Variants in WWOX observed in about 807,000 individuals in gnomAD.
WWOX encodes WW domain-containing oxidoreductase.
Under a neutral mutation model 46.2 loss-of-function variants are expected in WWOX, and 69 were observed. The ratio of observed to expected loss-of-function variants is 1.49; its 90% CI spans 1.23 to 1.82. The LOEUF is 1.82. WWOX is among the 40% of genes most tolerant of loss of function. The pLI is 0.00. For synonymous variants in WWOX, 359 were observed against 202.6 expected (o/e 1.77, Z -6.56); for missense variants, 919 against 542.6 (o/e 1.69, Z -6.89).
chr16:78,327,109 A>G (rs576855131), intron 5 of WWOX, among the ~76,000 whole-genome samples: 66 of 152,282 alleles, frequency 4.3e-4, no homozygotes, highest in African/African-American at 1.4e-3. Flanking sequence ...GTGACTTTCA[A>G]GTCCCTAAGT....
At chr16:79,048,385 CA>C (rs924443048) in intron 8 of WWOX, among the ~76,000 whole-genome samples, 6 of 152,030 alleles carry the variant, frequency 3.9e-5, no homozygotes, top group African/African-American at 1.5e-4. Context: ...AAATTACCCC[CA>C]TTTTCTGCTT....
At chr16:78,583,183 T>C (rs1313279506) in intron 8 of WWOX, among the ~76,000 whole-genome samples, 2 of 152,310 alleles carry the variant, frequency 1.3e-5, no homozygotes, top group African/African-American at 2.4e-5. Flanking sequence ...TCTTTAAAGA[T>C]GTGTGTTCCT....
At chr16:78,872,983 G>C (rs2044159770) in intron 8 of WWOX, 2 of 152,240 alleles carry the variant, frequency 1.3e-5, no homozygotes, top group African/African-American at 4.8e-5. Flanking sequence ...TTTCTGTAAA[G>C]ATGAGGTCTT....
At chr16:78,662,558 G>C (rs1407252228) in intron 8 of WWOX, among the ~76,000 whole-genome samples, 1 of 152,100 alleles carries the variant, frequency 6.6e-6, no homozygotes, top group African/African-American at 2.4e-5. Flanking sequence ...GGATGAGGAA[G>C]GCAATGTGAG....
chr16:78,636,687 TACTGAGGTGTGTGA>T (rs913067611), intron 8 of WWOX, among the ~76,000 whole-genome samples: 1 of 152,194 alleles, frequency 6.6e-6, no homozygotes, highest in African/African-American at 2.4e-5. Context: ...AGTGCTCACT[TACTGAGGTGTGTGA>T]ACAAAAACAG....
chr16:78,298,850 A>G (rs1216131517), intron 5 of WWOX, among the ~76,000 whole-genome samples: 1 of 151,872 alleles, frequency 6.6e-6, no homozygotes, highest in Non-Finnish European at 1.5e-5. Flanking sequence ...AAGACCATGC[A>G]TTTACATTGT....
chr16:78,900,594 A>C (rs1231842029), intron 8 of WWOX, among the ~76,000 whole-genome samples: 1 of 152,082 alleles, frequency 6.6e-6, no homozygotes, highest in Non-Finnish European at 1.5e-5. Context: ...CAGTACACAA[A>C]CCACAAAGTC....
At chr16:78,772,032 T>G (rs1368383899) in intron 8 of WWOX, among the ~76,000 whole-genome samples, 1 of 152,204 alleles carries the variant, frequency 6.6e-6, no homozygotes, top group Non-Finnish European at 1.5e-5. Flanking sequence ...TAATTGGACC[T>G]GTAATTCTTT....
intron 8 of WWOX, among the ~76,000 whole-genome samples, chr16:78,759,918 A>C (rs1597563808): frequency 6.6e-6 from 1 of 152,116 alleles, no homozygotes; most frequent in Non-Finnish European, 1.5e-5. Flanking sequence ...ACAGCACTCT[A>C]ATCTCTGCTT....
intron 8 of WWOX, among the ~76,000 whole-genome samples, chr16:78,974,009 A>G (rs1049191083): frequency 6.6e-6 from 1 of 152,172 alleles, no homozygotes; most frequent in African/African-American, 2.4e-5. Context: ...CCTAGCACAA[A>G]ACTCATGCAA....
intron 2 of WWOX, among the ~76,000 whole-genome samples, chr16:78,108,953 G>A (rs549223621): frequency 1.3e-5 from 2 of 152,224 alleles, no homozygotes; most frequent in South Asian, 2.1e-4. Context: ...ACACCACTGC[G>A]CTCCAGCCTC....
chr16:78,169,500 A>C (rs540441240), intron 5 of WWOX, among the ~76,000 whole-genome samples: 7 of 149,142 alleles, frequency 4.7e-5, no homozygotes, highest in African/African-American at 1.7e-4. Flanking sequence ...GCATGTAAAG[A>C]ACAAGAGCTT....
chr16:78,710,783 T>C (rs542632957), intron 8 of WWOX, among the ~76,000 whole-genome samples: 32 of 151,186 alleles, frequency 2.1e-4, no homozygotes, highest in Non-Finnish European at 3.4e-4. Context: ...CCCAGCTAAT[T>C]GTTTAATTTT....
chr16:78,822,310 A>G (rs575479769), intron 8 of WWOX, among the ~76,000 whole-genome samples: 5 of 152,238 alleles, frequency 3.3e-5, no homozygotes, highest in Non-Finnish European at 7.4e-5. Flanking sequence ...CCTGGCTGAC[A>G]TGACGAAACG....
At chr16:78,493,823 C>T (rs1016678421) in intron 8 of WWOX, among the ~76,000 whole-genome samples, 2 of 152,136 alleles carry the variant, frequency 1.3e-5, no homozygotes, top group South Asian at 2.1e-4. Flanking sequence ...CTGTAGAGTC[C>T]GTGTTCTTAC....
At chr16:78,277,159 CTTA>C (rs978797145) in intron 5 of WWOX, among the ~76,000 whole-genome samples, 1 of 152,000 alleles carries the variant, frequency 6.6e-6, no homozygotes, top group Non-Finnish European at 1.5e-5. Flanking sequence ...AAGTTTAAAT[CTTA>C]TTTAAATCGT....
intron 8 of WWOX, among the ~76,000 whole-genome samples, chr16:79,064,643 C>T (rs1373079641): frequency 1.3e-5 from 2 of 152,226 alleles, no homozygotes; most frequent in Non-Finnish European, 2.9e-5. Flanking sequence ...CCATCCGGCA[C>T]TGCCAACCTC....
intron 5 of WWOX, among the ~76,000 whole-genome samples, chr16:78,327,023 C>A (rs1050885873): frequency 6.6e-6 from 1 of 152,118 alleles, no homozygotes; most frequent in Non-Finnish European, 1.5e-5. Context: ...AATAGTCATC[C>A]TTGGCTTCCT....
chr16:78,853,818 A>G (rs1191448593), intron 8 of WWOX, among the ~76,000 whole-genome samples: 1 of 152,120 alleles, frequency 6.6e-6, no homozygotes. Context: ...TGTTGTAATA[A>G]TTTAATAGCG....
Sources: allele counts gnomAD v4.1 joint callset (sites outside exome capture counted in the v4.1 genomes callset), GRCh38; gene constraint gnomAD v4.1.1; transcripts MANE v1.5; gene names NCBI Gene and HGNC (gene_info 2026-07-23, HGNC 2026-07-21).